SH3PXD2A: variants seen among roughly 807,000 people sequenced by gnomAD.
The protein encoded by SH3PXD2A is SH3 and PX domains 2A, also known as SH3 and PX domain-containing protein 2A.
SH3PXD2A carries 32 observed loss-of-function variants against 115.2 expected under a neutral mutation model. The observed-to-expected ratio is 0.28, with a 90% CI of 0.21 to 0.37. SH3PXD2A has a LOEUF of 0.37. SH3PXD2A is among the 10% of genes least tolerant of loss of function. The pLI, the probability that SH3PXD2A is intolerant of heterozygous loss-of-function variation, is 1.00. For missense variants in SH3PXD2A, 1,328 were observed against 1,498.7 expected (o/e 0.89, Z 1.88); for synonymous variants, 610 against 629.1 (o/e 0.97, Z 0.45).
chr10:103,779,572 C>A (rs1443960152), intron 2 of SH3PXD2A, among the ~76,000 whole-genome samples: 2 of 152,146 alleles, frequency 1.3e-5, no homozygotes, highest in Non-Finnish European at 2.9e-5. Context: ...CAATAGGGAG[C>A]CCCTGAGGCT....
intron 5 of SH3PXD2A, among the ~76,000 whole-genome samples, chr10:103,696,974 T>C (rs1034121238): frequency 6.6e-6 from 1 of 152,088 alleles, no homozygotes; most frequent in Non-Finnish European, 1.5e-5. Context: ...ACTCCATCCC[T>C]CCCCATCTAA....
At chr10:103,835,009 C>T (rs1319732867) in intron 1 of SH3PXD2A, among the ~76,000 whole-genome samples, 1 of 152,228 alleles carries the variant, frequency 6.6e-6, no homozygotes, top group South Asian at 2.1e-4. Context: ...GCTCAGGCTG[C>T]CTTGAATGAG....
At chr10:103,671,784 G>A (rs2037464701) in intron 6 of SH3PXD2A, among the ~76,000 whole-genome samples, 1 of 152,108 alleles carries the variant, frequency 6.6e-6, no homozygotes, top group South Asian at 2.1e-4. Flanking sequence ...GAGGCGGGGG[G>A]CGCAGCCAAG....
intron 8 of SH3PXD2A, among the ~76,000 whole-genome samples, chr10:103,648,511 C>T (rs928852835): frequency 1.3e-5 from 2 of 152,192 alleles, no homozygotes; most frequent in Non-Finnish European, 2.9e-5. Context: ...GCAGCCCAGC[C>T]GACAGGGAGA....
chr10:103,826,354 A>G (rs2039430444), intron 1 of SH3PXD2A, among the ~76,000 whole-genome samples: 1 of 152,124 alleles, frequency 6.6e-6, no homozygotes, highest in African/African-American at 2.4e-5. Context: ...GGTCACACAG[A>G]TATAAACCCA....
At chr10:103,802,979 T>C (rs889235272) in intron 1 of SH3PXD2A, among the ~76,000 whole-genome samples, 20 of 152,150 alleles carry the variant, frequency 1.3e-4, no homozygotes, top group African/African-American at 4.8e-4. Flanking sequence ...AGAAGTGGCA[T>C]TTAGACACCT....
intron 6 of SH3PXD2A, chr10:103,678,281 G>A: frequency 1.9e-6 from 1 of 529,792 alleles, no homozygotes; most frequent in Non-Finnish European, 3.3e-6. Context: ...TGAGCGCTGA[G>A]ATGCCACGTA....
At chr10:103,664,217 C>G (rs555652557) in intron 7 of SH3PXD2A, among the ~76,000 whole-genome samples, 1 of 152,302 alleles carries the variant, frequency 6.6e-6, no homozygotes, top group African/African-American at 2.4e-5. Flanking sequence ...AGTGTGGGGG[C>G]ACTGGATGAG....
chr10:103,646,032 A>G (rs1418811373), intron 8 of SH3PXD2A, among the ~76,000 whole-genome samples: 3 of 152,202 alleles, frequency 2.0e-5, no homozygotes, highest in Non-Finnish European at 4.4e-5. Context: ...TGATAATTAT[A>G]AGAAAAAAGG....
intron 1 of SH3PXD2A, among the ~76,000 whole-genome samples, chr10:103,808,227 G>A (rs1396826631): frequency 6.6e-5 from 10 of 151,782 alleles, no homozygotes. Flanking sequence ...AGCAGTAAAG[G>A]CCCTGGTGTT....
At chr10:103,608,236 C>CG (rs1223198668) in intron 13 of SH3PXD2A, among the ~76,000 whole-genome samples, 79 of 148,350 alleles carry the variant, frequency 5.3e-4, no homozygotes, top group African/African-American at 1.9e-3. Flanking sequence ...GTCAGGCTTC[C>CG]GGAGTCCCGG....
At chr10:103,775,738 G>A (rs1032239876) in intron 2 of SH3PXD2A, among the ~76,000 whole-genome samples, 2 of 152,164 alleles carry the variant, frequency 1.3e-5, no homozygotes, top group African/African-American at 4.8e-5. Flanking sequence ...CCACACAGCT[G>A]GCACCAGGGC....
chr10:103,739,814 G>A (rs763114740), intron 3 of SH3PXD2A, among the ~76,000 whole-genome samples: 6 of 152,214 alleles, frequency 3.9e-5, no homozygotes, highest in African/African-American at 1.4e-4. Context: ...GTGCAGCTGC[G>A]ACGTCTAAGC....
chr10:103,741,091 G>T (rs1223061071), intron 3 of SH3PXD2A, among the ~76,000 whole-genome samples: 1 of 152,220 alleles, frequency 6.6e-6, no homozygotes, highest in Non-Finnish European at 1.5e-5. Context: ...GGTGCCTAGA[G>T]AAGAATTTAG....
chr10:103,704,228 G>C (rs1224263854), intron 5 of SH3PXD2A, among the ~76,000 whole-genome samples: 2 of 152,162 alleles, frequency 1.3e-5, no homozygotes, highest in Non-Finnish European at 2.9e-5. Context: ...GGCCAAAGGA[G>C]GGCACTGAGA....
chr10:103,730,511 A>G (rs574806384), intron 4 of SH3PXD2A, among the ~76,000 whole-genome samples: 7 of 152,174 alleles, frequency 4.6e-5, no homozygotes, highest in African/African-American at 1.7e-4. Flanking sequence ...TTCTGAGTTC[A>G]GAGTATTCAA....
intron 2 of SH3PXD2A, among the ~76,000 whole-genome samples, chr10:103,792,124 C>T (rs2039041981): frequency 6.6e-6 from 1 of 152,212 alleles, no homozygotes; most frequent in African/African-American, 2.4e-5. Flanking sequence ...GGAAGCCCCA[C>T]AAGGCTCCCC....
chr10:103,613,012 C>G lies in SH3PXD2A; in HGVS notation c.1099G>C (p.Glu367Gln). 1.9e-6 allele frequency: 3 copies of G among 1,614,234 alleles called. No individual in the cohort carries two copies. Among genetic ancestry groups the G allele is most frequent in the Non-Finnish European group, 2.5e-6 (3 of 1,180,036 alleles). ...TTGGCAATGGGGGCCTCATGGCCCT[C>G]GCCTTCGGCTGGTGGAGTTTCCTTG... Reference protein sequence around the residue: ...GDKETPPAEGEGHEAPIAKKE... With the variant: ...GDKETPPAEGQGHEAPIAKKE... The change falls in exon 12 of 15, where the codon GAG (glutamate) becomes CAG (glutamine). Residue 367 changes from glutamate to glutamine, a missense_variant. Coordinates refer to ENST00000369774, the MANE Select transcript of SH3PXD2A (RefSeq NM_001394015.1).
At chr10:103,660,049 A>G (rs1467542110) in intron 8 of SH3PXD2A, among the ~76,000 whole-genome samples, 1 of 152,080 alleles carries the variant, frequency 6.6e-6, no homozygotes, top group Admixed American at 6.5e-5. Context: ...TGGGACTAGG[A>G]GAGGAGAACA....
Sources: gnomAD v4.1 joint callset for allele counts (sites outside exome capture counted in the v4.1 genomes callset) on GRCh38, gnomAD v4.1.1 for gene constraint, MANE v1.5 for transcripts, NCBI Gene and HGNC (gene_info 2026-07-23, HGNC 2026-07-21) for gene names.